ERCC8: variants seen among roughly 807,000 people sequenced by gnomAD.
The protein encoded by ERCC8 is ERCC excision repair 8, CSA ubiquitin ligase complex subunit.
In ERCC8, 52 loss-of-function variants were observed where a neutral mutation model predicts 54.9. That is an observed-to-expected ratio of 0.95 (90% CI 0.76 to 1.19). The LOEUF is 1.19. Among genes scored for constraint, ERCC8 ranks in the 50% most tolerant of loss-of-function variants. The probability of loss-of-function intolerance (pLI) is 0.00; values close to 1 mark genes in which losing one functional copy is unlikely to be tolerated. For missense variants in ERCC8, 514 were observed against 466.1 expected (o/e 1.10, Z -0.95); for synonymous variants, 146 against 157.2 (o/e 0.93, Z 0.53).
intron 5 of ERCC8, 79 bp from the exon 6 acceptor site, chr5:60,903,795 C>T (rs1383622249): frequency 3.5e-5 from 48 of 1,386,126 alleles, no homozygotes; most frequent in Non-Finnish European, 4.7e-5. Flanking sequence ...CATTAGTAAT[C>T]ATGACATTTT....
chr5:60,919,812 T>C (rs1409526937), intron 3 of ERCC8, among the ~76,000 whole-genome samples: 1 of 151,968 alleles, frequency 6.6e-6, no homozygotes, highest in Admixed American at 6.6e-5. Flanking sequence ...ATCACCTTTT[T>C]GGCTGTATAG....
At chr5:60,931,172 A>G (rs1043535058) in intron 1 of ERCC8, among the ~76,000 whole-genome samples, 2 of 152,092 alleles carry the variant, frequency 1.3e-5, no homozygotes, top group Non-Finnish European at 2.9e-5. Flanking sequence ...AAGAAGTGTA[A>G]TAAGTGGTAG....
intron 4 of ERCC8, among the ~76,000 whole-genome samples, chr5:60,913,994 G>T (rs1320670092): frequency 6.6e-6 from 1 of 152,144 alleles, no homozygotes; most frequent in East Asian, 1.9e-4. Context: ...ATTTGCTGAG[G>T]AGTGCTTTAC....
intron 11 of ERCC8, among the ~76,000 whole-genome samples, chr5:60,883,335 T>C (rs529898633): frequency 2.0e-5 from 3 of 152,352 alleles, no homozygotes; most frequent in East Asian, 3.9e-4. Flanking sequence ...ATGTTGTAGA[T>C]GGATGTGGTA....
intron 9 of ERCC8, among the ~76,000 whole-genome samples, chr5:60,895,036 T>C (rs1748683542): frequency 6.6e-6 from 1 of 151,940 alleles, no homozygotes; most frequent in African/African-American, 2.4e-5. Context: ...CCAGGCCTGG[T>C]GGCGGGTACC....
At chr5:60,923,636 C>G (rs985275145) in intron 2 of ERCC8, among the ~76,000 whole-genome samples, 1 of 151,936 alleles carries the variant, frequency 6.6e-6, no homozygotes, top group South Asian at 2.1e-4. Flanking sequence ...TTCAAAGTAC[C>G]TTTCTTTAGT....
At chr5:60,905,961 C>G (rs897061914) in intron 4 of ERCC8, among the ~76,000 whole-genome samples, 4 of 152,036 alleles carry the variant, frequency 2.6e-5, no homozygotes, top group Non-Finnish European at 5.9e-5. Context: ...CTCTTGTGCA[C>G]TAAGCCACTT....
intron 4 of ERCC8, among the ~76,000 whole-genome samples, chr5:60,910,242 G>A (rs1166057520): frequency 1.3e-5 from 2 of 152,064 alleles, no homozygotes; most frequent in Non-Finnish European, 2.9e-5. Context: ...TCCACTGTAT[G>A]GTGTTTTTCT....
intron 9 of ERCC8, among the ~76,000 whole-genome samples, chr5:60,897,992 G>A (rs759054651): frequency 7.2e-5 from 11 of 152,076 alleles, no homozygotes; most frequent in Non-Finnish European, 1.2e-4. Context: ...ATTTATATCA[G>A]TAGTCCTCAG....
intron 1 of ERCC8, among the ~76,000 whole-genome samples, 179 bp downstream of exon 1, chr5:60,944,753 C>G (rs1278053051): frequency 6.7e-6 from 1 of 149,890 alleles, no homozygotes. Context: ...CCGCCCCCCG[C>G]CTGCAAGTTG....
rs57423118 is a variant in ERCC8, at chr5:60,870,482, TAAAAAAA to T, written c.*4126_*4132del. Among the ~76,000 whole-genome samples, 1 of 48,806 alleles carries T rather than the reference TAAAAAAA, an allele frequency of 2.0e-5. No homozygotes were observed. Among genetic ancestry groups the T allele is most frequent in the African/African-American group, 9.9e-5 (1 of 10,054 alleles). 32.0% of individuals were successfully genotyped at this position (48,806 alleles called of 152,430 possible). On this transcript the variant is annotated 3_prime_UTR_variant, in exon 12 of 12. Coordinates refer to ENST00000676185, the MANE Select transcript of ERCC8 (RefSeq NM_000082.4). ...CAACATGGTGAAACCCCACCTCTGC[TAAAAAAA>T]AAAAAAAAAAAAAAAAAAAAAAATT...
Position 60,867,400 on chromosome 5 carries a change from G to A in ERCC8, c.*7215C>T, listed in dbSNP as rs1747776059. Among the ~76,000 whole-genome samples, 4 of 152,090 alleles carry A rather than the reference G, an allele frequency of 2.6e-5. 1 individual carries two copies. Among genetic ancestry groups the A allele is most frequent in the Admixed American group, 2.6e-4 (4 of 15,264 alleles). On this transcript the variant is annotated 3_prime_UTR_variant, in exon 12 of 12. Transcript: ENST00000676185. ...TGCCCAAAGTGCTGGGTTTACAGGTGTGAGCCACTGCGCCTGGCCTTATTT... is the reference window on the plus strand; with the variant it reads ...TGCCCAAAGTGCTGGGTTTACAGGTATGAGCCACTGCGCCTGGCCTTATTT...
intron 4 of ERCC8, 40 bp from the exon 5 acceptor site, chr5:60,904,913 T>C (rs1749026977): frequency 9.8e-7 from 1 of 1,016,218 alleles, no homozygotes; most frequent in Non-Finnish European, 1.5e-6. Flanking sequence ...AAGGTTTAAG[T>C]ATAAAAACAA....
chr5:60,884,475 CAA>C (rs71606647), intron 11 of ERCC8, among the ~76,000 whole-genome samples: 1,034 of 70,860 alleles, frequency 0.015, 6 homozygotes, highest in Non-Finnish European at 0.018. Flanking sequence ...GACTCCTTCT[CAA>C]AAAAAAAAAA....
At chr5:60,900,544 T>A (rs535939257) in intron 7 of ERCC8, 161 of 152,144 alleles carry the variant, frequency 1.1e-3, no homozygotes, top group African/African-American at 3.1e-3. Flanking sequence ...TTAATTTTTT[T>A]AAAAAAATAT....
chr5:60,919,831 TG>T (rs1749550917), intron 3 of ERCC8, among the ~76,000 whole-genome samples: 1 of 151,944 alleles, frequency 6.6e-6, no homozygotes, highest in African/African-American at 2.4e-5. Context: ...AGTGAAGATT[TG>T]CATTAGGTTA....
At chr5:60,876,922 T>G (rs1212064314) in intron 11 of ERCC8, among the ~76,000 whole-genome samples, 2 of 152,166 alleles carry the variant, frequency 1.3e-5, no homozygotes, top group Non-Finnish European at 1.5e-5. Context: ...TTGTTGCCAT[T>G]GCTTTTGGTG....
At chr5:60,907,712 C>T (rs1298365319) in intron 4 of ERCC8, among the ~76,000 whole-genome samples, 2 of 152,108 alleles carry the variant, frequency 1.3e-5, no homozygotes, top group Non-Finnish European at 2.9e-5. Context: ...AACAGCACTA[C>T]AAGTGAAAGT....
intron 1 of ERCC8, among the ~76,000 whole-genome samples, chr5:60,934,944 A>C (rs1314782940): frequency 1.3e-5 from 2 of 152,112 alleles, no homozygotes; most frequent in Admixed American, 6.6e-5. Context: ...TATTACCACT[A>C]GCATGCTGTT....
Sources: gnomAD v4.1 joint callset for allele counts (sites outside exome capture counted in the v4.1 genomes callset) on GRCh38, gnomAD v4.1.1 for gene constraint, MANE v1.5 for transcripts, NCBI Gene and HGNC (gene_info 2026-07-23, HGNC 2026-07-21) for gene names.